The following KDM4C variants were observed in gnomAD, a reference collection of about 807,000 sequenced individuals.
KDM4C encodes lysine-specific demethylase 4C.
A neutral mutation model predicts 129.3 loss-of-function variants in KDM4C; 81 were observed. The ratio of observed to expected loss-of-function variants is 0.63; its 90% CI spans 0.52 to 0.75. The LOEUF is 0.75. Ranked by LOEUF, KDM4C falls within the 30% of genes least tolerant of loss-of-function variation. The probability of loss-of-function intolerance (pLI) is 0.00; values close to 1 mark genes in which losing one functional copy is unlikely to be tolerated. For missense variants in KDM4C, 1,457 were observed against 1,304.0 expected, an observed-to-expected ratio of 1.12 and a Z score of -1.81; for synonymous variants, 573 against 456.1, an observed-to-expected ratio of 1.26 and a Z score of -3.26.
intron 8 of KDM4C, among the ~76,000 whole-genome samples, chr9:6,976,512 T>C (rs972965092): frequency 6.6e-6 from 1 of 152,200 alleles, no homozygotes; most frequent in Non-Finnish European, 1.5e-5. Flanking sequence ...CATTGAACAT[T>C]TTGCATTTTA....
rs549912084 is a variant in KDM4C, at chr9:6,856,915, G to A, written c.629+7215G>A. 8.4e-3 allele frequency among the ~76,000 whole-genome samples: 1,283 copies of A among 151,880 alleles called. 17 individuals carry two copies. Among genetic ancestry groups the A allele is most frequent in the African/African-American group, 0.029 (1,217 of 41,378 alleles). On this transcript the variant is annotated intron_variant, in intron 5 of 21. Coordinates refer to ENST00000381309, the MANE Select transcript of KDM4C (RefSeq NM_015061.6). ...TGGGACTACAGGCGCCCGCCACCGC[G>A]CCCGGCTAATTTTTTGTATTTTTAG...
intron 17 of KDM4C, among the ~76,000 whole-genome samples, chr9:7,099,147 AC>A (rs2133111462): frequency 6.6e-6 from 1 of 152,124 alleles, no homozygotes; most frequent in East Asian, 1.9e-4. Flanking sequence ...TCAGGAAACA[AC>A]AATTAAAAAG....
At chr9:6,785,092 C>T (rs998219869) in intron 1 of KDM4C, among the ~76,000 whole-genome samples, 3 of 152,194 alleles carry the variant, frequency 2.0e-5, no homozygotes, top group Non-Finnish European at 4.4e-5. Context: ...TTATCACAAA[C>T]TGGGATGGTT....
chr9:6,898,445 T>C (rs76572218), intron 8 of KDM4C, among the ~76,000 whole-genome samples: 1 of 152,196 alleles, frequency 6.6e-6, no homozygotes, highest in Non-Finnish European at 1.5e-5. Flanking sequence ...AAGGTAATAG[T>C]TGGTGACACA....
intron 1 of KDM4C, among the ~76,000 whole-genome samples, chr9:6,748,141 G>C (rs955494044): frequency 6.6e-6 from 1 of 150,730 alleles, no homozygotes; most frequent in Non-Finnish European, 1.5e-5. Context: ...ACTCCAGCCT[G>C]AGTAACAGAG....
chr9:6,743,745 G>A (rs1247952089), intron 1 of KDM4C, among the ~76,000 whole-genome samples: 4 of 151,940 alleles, frequency 2.6e-5, no homozygotes, highest in Non-Finnish European at 5.9e-5. Context: ...GGTCTCAAGC[G>A]ATCCACCTGC....
intron 9 of KDM4C, 109 bp from the exon 10 acceptor site, chr9:6,984,057 T>C: frequency 1.5e-6 from 1 of 685,208 alleles, no homozygotes; most frequent in Non-Finnish European, 2.6e-6. Flanking sequence ...TGATTAACAA[T>C]GTCAGTTGTT....
Position 7,078,176 on chromosome 9 carries a change from G to A in KDM4C, c.2425-25509G>A, listed in dbSNP as rs547732645. Among the ~76,000 whole-genome samples, 15 of 152,174 alleles carry A rather than the reference G, an allele frequency of 9.9e-5. 1 individual carries two copies. In the South Asian group the frequency reaches 3.1e-3, roughly 32 times the overall value. On this transcript the variant is annotated intron_variant, in intron 17 of 21. Coordinates refer to ENST00000381309, the MANE Select transcript of KDM4C (RefSeq NM_015061.6). ...GTCTCTGGATGACAGGATATTGGGT[G>A]CTTTTTAAAAAAATAATTTATACAT...
chr9:6,895,868 C>T (rs758079773), intron 8 of KDM4C, among the ~76,000 whole-genome samples: 31 of 152,116 alleles, frequency 2.0e-4, no homozygotes, highest in Non-Finnish European at 4.1e-4. Context: ...ATATCATGTG[C>T]TTTCTTAATT....
chr9:7,150,050 G>A (rs1842586269), intron 19 of KDM4C, among the ~76,000 whole-genome samples: 2 of 152,170 alleles, frequency 1.3e-5, no homozygotes, highest in African/African-American at 4.8e-5. Context: ...GAGAGGAAGG[G>A]GTCAGGGCTA....
intron 1 of KDM4C, among the ~76,000 whole-genome samples, chr9:6,759,622 C>G (rs1215112602): frequency 6.6e-6 from 1 of 152,112 alleles, no homozygotes; most frequent in African/African-American, 2.4e-5. Context: ...AGACTTATTT[C>G]TTTTTATTAA....
chr9:7,020,421 T>G (rs903064514), intron 15 of KDM4C, among the ~76,000 whole-genome samples: 1 of 152,240 alleles, frequency 6.6e-6, no homozygotes, highest in African/African-American at 2.4e-5. Flanking sequence ...AGCGTTTGAC[T>G]TATGGCTTAT....
At chr9:6,724,613 C>T (rs1222178823) in intron 1 of KDM4C, among the ~76,000 whole-genome samples, 2 of 152,164 alleles carry the variant, frequency 1.3e-5, no homozygotes, top group African/African-American at 2.4e-5. Flanking sequence ...TCACTGCAAC[C>T]TCTGTCTCCC....
chr9:6,846,525 A>G (rs1837879207), intron 4 of KDM4C, among the ~76,000 whole-genome samples: 1 of 150,874 alleles, frequency 6.6e-6, no homozygotes, highest in Admixed American at 6.7e-5. Context: ...CAAAAATTGG[A>G]GAAAGAATTT....
chr9:6,793,120 G>T lies in KDM4C; in HGVS notation c.132G>T (p.Ala44=), dbSNP rs531909681. 1.2e-6 allele frequency: 2 copies of T among 1,613,810 alleles called. No homozygotes were observed. The highest frequency in any genetic ancestry group is 1.1e-5 in the South Asian group (1 of 91,008). ...TGGAGTCTAAAGGAGCCCATCGTGC[G>T]GGTCTTGCAAAGGTGATTATCCTTC... ...AYMESKGAHR[A]GLAKVIPPKE... is the part of the protein sequence containing the mutation. The change falls in exon 2 of 22, where the codon GCG becomes GCT. Residue 44 remains alanine, a synonymous_variant. Transcript: ENST00000381309.
intron 12 of KDM4C, among the ~76,000 whole-genome samples, chr9:6,993,020 C>A (rs568432482): frequency 6.6e-6 from 1 of 152,120 alleles, no homozygotes; most frequent in Non-Finnish European, 1.5e-5. Flanking sequence ...AGTGCAGTGG[C>A]TCTTTGATAC....
At chr9:7,122,077 A>G (rs2133299088) in intron 18 of KDM4C, among the ~76,000 whole-genome samples, 1 of 152,224 alleles carries the variant, frequency 6.6e-6, no homozygotes, top group South Asian at 2.1e-4. Context: ...GAGACTGGGT[A>G]ATTTATAAAG....
chr9:6,752,603 T>A (rs1818110074), intron 1 of KDM4C, among the ~76,000 whole-genome samples: 1 of 150,962 alleles, frequency 6.6e-6, no homozygotes, highest in Non-Finnish European at 1.5e-5. Context: ...AGAGACGGAG[T>A]TTCACCATGT....
intron 18 of KDM4C, among the ~76,000 whole-genome samples, chr9:7,112,071 TGG>T (rs963238844): frequency 6.6e-6 from 1 of 152,050 alleles, no homozygotes. Context: ...ATGCACAAAG[TGG>T]GTCATGCTGA....
Sources: gnomAD v4.1 joint callset for allele counts (sites outside exome capture counted in the v4.1 genomes callset) on GRCh38, gnomAD v4.1.1 for gene constraint, MANE v1.5 for transcripts, NCBI Gene and HGNC (gene_info 2026-07-23, HGNC 2026-07-21) for gene names.